The following THOP1 variants were observed in gnomAD, a reference collection of about 807,000 sequenced individuals.
THOP1 encodes the protein thimet oligopeptidase.
A neutral mutation model predicts 71.8 loss-of-function variants in THOP1; 49 were observed. That is an observed-to-expected ratio of 0.68 (90% CI 0.54 to 0.87). The LOEUF (loss-of-function observed/expected upper bound fraction) is 0.87. Ranked by LOEUF, THOP1 falls within the 40% of genes least tolerant of loss-of-function variation. THOP1 has a pLI of 0.00. For synonymous variants in THOP1, 426 were observed against 421.5 expected (o/e 1.01, Z -0.13); for missense variants, 843 against 975.6 (o/e 0.86, Z 1.81).
chr19:2,811,890 G>A (rs1916482663), intron 12 of THOP1, 156 bp downstream of exon 12: 3 of 1,360,968 alleles, frequency 2.2e-6, no homozygotes, highest in Non-Finnish European at 2.9e-6. Flanking sequence ...GACAGGGAGG[G>A]CGTCCTCAAC....
chr19:2,803,409 C>T (rs530054876), intron 5 of THOP1, among the ~76,000 whole-genome samples: 1 of 152,342 alleles, frequency 6.6e-6, no homozygotes, highest in Non-Finnish European at 1.5e-5. Context: ...TTCAGGGCCA[C>T]AGTGAACGTG....
At chr19:2,786,765 A>ATTTTTTTTTTTTTC (rs1915752055) in intron 1 of THOP1, among the ~76,000 whole-genome samples, 1 of 101,206 alleles carries the variant, frequency 9.9e-6, no homozygotes, top group African/African-American at 5.2e-5. Context: ...CACCTGGCTA[A>ATTTTTTTTTTTTTC]TTTTTTTTTT....
rs574999247 is a variant in THOP1, at chr19:2,804,002, C to G, written c.590-1014C>G. Among the ~76,000 whole-genome samples, 1 of 151,432 alleles carries G rather than the reference C, an allele frequency of 6.6e-6. No individual in the cohort carries two copies. The highest frequency in any genetic ancestry group is 2.4e-5 in the African/African-American group (1 of 41,140). ...CCTGGGGTCGGCGTGAGCTCCCGAT[C>G]GTTCTTTCTACCCCTACTGCTCTGG... On this transcript the variant is annotated intron_variant, in intron 5 of 12. Transcript: ENST00000307741. The surrounding 1 kb of genome is among the most constrained non-coding windows in gnomAD (Gnocchi z 4.7).
At chr19:2,800,894 C>T (rs1916130014) in intron 5 of THOP1, among the ~76,000 whole-genome samples, 2 of 152,060 alleles carry the variant, frequency 1.3e-5, no homozygotes, top group Non-Finnish European at 2.9e-5. Flanking sequence ...CCCCGTGGGG[C>T]TGCTTCTCCT....
At chr19:2,797,715 A>T (rs556913382) in intron 4 of THOP1, among the ~76,000 whole-genome samples, 53 of 152,352 alleles carry the variant, frequency 3.5e-4, no homozygotes, top group African/African-American at 1.3e-3. Flanking sequence ...CGATGGGATT[A>T]TTGGGACATA....
At chr19:2,787,884 T>C (rs1915788035) in intron 1 of THOP1, among the ~76,000 whole-genome samples, 1 of 152,210 alleles carries the variant, frequency 6.6e-6, no homozygotes, top group Non-Finnish European at 1.5e-5. Flanking sequence ...ATGGCCACAG[T>C]GCAGACAGAG....
rs144604459 is a variant in THOP1 at position 2,796,230 on chromosome 19, C to T, written c.486+42C>T. Reference sequence around the variant, plus strand: ...GGGAGTGCTGGGCGTGGGCAATGGTCGATCCCGGGGAGTGCTGGGCACAGG... The same window carrying T: ...GGGAGTGCTGGGCGTGGGCAATGGTTGATCCCGGGGAGTGCTGGGCACAGG... On this transcript the variant is annotated intron_variant, in intron 4 of 12. Transcript: ENST00000307741. The T allele has an allele frequency of 3.3e-3, 4,986 of 1,495,722 alleles. 11 individuals carry two copies. Among genetic ancestry groups the T allele is most frequent in the Non-Finnish European group, 4.3e-3 (4,699 of 1,087,530 alleles). The allele number at this position is 1,495,722 out of a possible 1,614,324, so 92.7% of individuals were successfully genotyped here.
In THOP1 at chr19:2,805,068, G is replaced by A. The variant is rs1290748139; in HGVS notation, c.642G>A (p.Lys214=). ...LNSLEKMEDG[K]LKVTLKYPHY... ...CCCTGGAGAAGATGGAGGACGGCAAGTTGAAGGTCACCCTCAAGTACCCCC... is the reference window on the plus strand; with the variant it reads ...CCCTGGAGAAGATGGAGGACGGCAAATTGAAGGTCACCCTCAAGTACCCCC... The change falls in exon 6 of 13, where the codon AAG becomes AAA. Residue 214 remains lysine, a synonymous_variant. Transcript: ENST00000307741. This position sits in a 1 kb window ranked among gnomAD's most constrained non-coding sequence, Gnocchi z 6.6. 1.9e-6 allele frequency: 3 copies of A among 1,612,930 alleles called. No homozygotes were observed. The highest frequency in any genetic ancestry group is 1.7e-5 in the Admixed American group (1 of 59,970).
rs775412035 is a variant in THOP1, at chr19:2,808,233, C to G, written c.1254-10C>G. ...GTCCCTGCGGGGCCTGACGCTGCCT[C>G]CCTCCCCAGGGAAGGAAAGTACGGG... On this transcript the variant is annotated splice_polypyrimidine_tract_variant and intron_variant, in intron 8 of 12. Coordinates refer to ENST00000307741, the MANE Select transcript of THOP1 (RefSeq NM_003249.5). The G allele has an allele frequency of 6.5e-7, 1 of 1,544,886 alleles. No homozygotes were observed. Among genetic ancestry groups the G allele is most frequent in the South Asian group, 1.2e-5 (1 of 83,876 alleles).
chr19:2,813,419 C>T lies in THOP1; in HGVS notation c.*143C>T. 3.7e-6 allele frequency: 4 copies of T among 1,074,114 alleles called. No individual in the cohort carries two copies. The highest frequency in any genetic ancestry group is 3.9e-6 in the Non-Finnish European group (3 of 777,174). 66.5% of individuals were successfully genotyped at this position (1,074,114 alleles called of 1,614,324 possible). A position where few individuals can be genotyped will look rare whatever the true frequency, so the allele number is the denominator to read the frequency against. On this transcript the variant is annotated 3_prime_UTR_variant, in exon 13 of 13. Coordinates refer to ENST00000307741, the MANE Select transcript of THOP1 (RefSeq NM_003249.5). ...CGGCTGTCTTGCCTCTTGTCATTGTCTGTCCCCACCCGGTCGTGGCCCACC... is the reference window on the plus strand; with the variant it reads ...CGGCTGTCTTGCCTCTTGTCATTGTTTGTCCCCACCCGGTCGTGGCCCACC...
At chr19:2,809,888 G>A (rs1248048390) in intron 9 of THOP1, 4 of 187,334 alleles carry the variant, frequency 2.1e-5, no homozygotes, top group Non-Finnish European at 3.3e-5. Context: ...TGGTTCCAGC[G>A]GGACTCAGTC....
At chr19:2,813,038 G>A (rs1916521229) in intron 12 of THOP1, 77 bp from the exon 13 acceptor site, 6 of 1,477,262 alleles carry the variant, frequency 4.1e-6, no homozygotes, top group South Asian at 4.0e-5. Flanking sequence ...CCCTGGGCGA[G>A]GGTGTGCAGA....
intron 5 of THOP1, among the ~76,000 whole-genome samples, chr19:2,802,699 C>T (rs533755011): frequency 8.5e-5 from 13 of 152,320 alleles, no homozygotes; most frequent in South Asian, 2.1e-4. Context: ...GTCCATCACT[C>T]GCACATTGTC....
At chr19:2,793,605 G>A (rs554525266) in intron 2 of THOP1, among the ~76,000 whole-genome samples, 11 of 152,112 alleles carry the variant, frequency 7.2e-5, no homozygotes, top group Non-Finnish European at 1.0e-4. Context: ...CAGGAGAATC[G>A]CTTGAACCCA....
chr19:2,787,310 G>A (rs563787663), intron 1 of THOP1, among the ~76,000 whole-genome samples: 8 of 152,294 alleles, frequency 5.3e-5, no homozygotes, highest in South Asian at 2.1e-4. Context: ...TGCGATGAGG[G>A]TGATAATTGT....
At chr19:2,789,986 C>G (rs1319950554) in intron 1 of THOP1, 2 of 157,380 alleles carry the variant, frequency 1.3e-5, no homozygotes, top group Non-Finnish European at 2.8e-5. Context: ...AACTCCTGAC[C>G]TCGTGATCTG....
intron 11 of THOP1, among the ~76,000 whole-genome samples, 187 bp downstream of exon 11, chr19:2,810,955 G>T (rs755902424): frequency 6.6e-6 from 1 of 152,250 alleles, no homozygotes; most frequent in Non-Finnish European, 1.5e-5. Flanking sequence ...GCCCAGGGTC[G>T]GGGACGGGTG....
At chr19:2,794,368 G>A (rs1448134599) in intron 2 of THOP1, among the ~76,000 whole-genome samples, 3 of 152,172 alleles carry the variant, frequency 2.0e-5, no homozygotes, top group African/African-American at 7.2e-5. Flanking sequence ...CTAAAGCACA[G>A]ATGTGCTCAG....
At chr19:2,808,052 G>C (rs1916354239) in intron 8 of THOP1, 191 bp from the exon 9 acceptor site, 1 of 771,044 alleles carries the variant, frequency 1.3e-6, no homozygotes, top group Non-Finnish European at 2.0e-6. Context: ...TTAGGGGAGG[G>C]ATGGCAGCCG....
Sources: gnomAD v4.1 joint callset for allele counts (sites outside exome capture counted in the v4.1 genomes callset) on GRCh38, gnomAD v4.1.1 for gene constraint, Gnocchi (gnomAD v3.1) non-coding constraint, MANE v1.5 for transcripts, NCBI Gene and HGNC (gene_info 2026-07-23, HGNC 2026-07-21) for gene names.